Variants in SORCS3 observed in about 807,000 individuals in gnomAD.
SORCS3 encodes the protein VPS10 domain-containing receptor SorCS3.
Under a neutral mutation model 146.3 loss-of-function variants are expected in SORCS3, and 57 were observed. The ratio of observed to expected loss-of-function variants is 0.39; its 90% CI spans 0.31 to 0.49. SORCS3 has a LOEUF of 0.49. Ranked by LOEUF, SORCS3 falls within the 20% of genes least tolerant of loss-of-function variation. SORCS3 has a pLI of 0.92. For synonymous variants in SORCS3, 653 were observed against 618.5 expected (o/e 1.06, Z -0.83); for missense variants, 1,341 against 1,575.5 (o/e 0.85, Z 2.52).
intron 1 of SORCS3, among the ~76,000 whole-genome samples, chr10:104,643,346 G>A (rs2015450360): frequency 6.6e-6 from 1 of 152,348 alleles, no homozygotes; most frequent in East Asian, 1.9e-4. Context: ...CGAGGGGTCC[G>A]CAGAAGGTAG....
intron 25 of SORCS3, among the ~76,000 whole-genome samples, chr10:105,259,511 A>C (rs1215901499): frequency 6.6e-6 from 1 of 152,214 alleles, no homozygotes; most frequent in Non-Finnish European, 1.5e-5. Context: ...TATGAGCCTC[A>C]AGCTTCCTTT....
chr10:104,998,002 G>A (rs2055037699), intron 4 of SORCS3, among the ~76,000 whole-genome samples: 1 of 152,164 alleles, frequency 6.6e-6, no homozygotes, highest in South Asian at 2.1e-4. Flanking sequence ...AAGGCAGAAT[G>A]CTGAATGTTG....
chr10:104,983,036 G>T (rs191164427), intron 4 of SORCS3, among the ~76,000 whole-genome samples: 1 of 151,242 alleles, frequency 6.6e-6, no homozygotes, highest in Non-Finnish European at 1.5e-5. Context: ...GTCTTGCTCT[G>T]TTACCCATGC....
At chr10:104,992,458 T>C (rs983942524) in intron 4 of SORCS3, among the ~76,000 whole-genome samples, 3 of 152,202 alleles carry the variant, frequency 2.0e-5, no homozygotes, top group Non-Finnish European at 4.4e-5. Flanking sequence ...TATTTGAAAA[T>C]GTCAGCAGAT....
intron 7 of SORCS3, among the ~76,000 whole-genome samples, chr10:105,123,674 A>G (rs1589644783): frequency 6.6e-6 from 1 of 152,196 alleles, no homozygotes; most frequent in African/African-American, 2.4e-5. Context: ...AAGCAAACCA[A>G]TAAATAAGAA....
In SORCS3 at chr10:104,641,962, C is replaced by T. The variant is rs1167605567; in HGVS notation, c.627+8C>T. 1 of 1,573,566 alleles carries T rather than the reference C, an allele frequency of 6.4e-7. No individual in the cohort carries two copies. The highest frequency in any genetic ancestry group is 8.6e-7 in the Non-Finnish European group (1 of 1,167,996). ...TCGGGACACAACAGCAGCGTGAGTA[C>T]CCACCCGGCGGCGGGTCCGCCTGTT... On this transcript the variant is annotated splice_region_variant and intron_variant, in intron 1 of 26. Coordinates refer to ENST00000369701, the MANE Select transcript of SORCS3 (RefSeq NM_014978.3). The surrounding 1 kb of genome is among the most constrained non-coding windows in gnomAD (Gnocchi z 6.4).
At chr10:104,801,142 A>T (rs1356455757) in intron 1 of SORCS3, among the ~76,000 whole-genome samples, 2 of 152,064 alleles carry the variant, frequency 1.3e-5, no homozygotes, top group Non-Finnish European at 2.9e-5. Flanking sequence ...CATTTCTGCC[A>T]CTCATTGTTG....
At chr10:104,773,288 A>G (rs973209024) in intron 1 of SORCS3, among the ~76,000 whole-genome samples, 6 of 152,164 alleles carry the variant, frequency 3.9e-5, no homozygotes, top group African/African-American at 1.2e-4. Flanking sequence ...TAGTTAGGCT[A>G]TGAGTTCCTT....
chr10:104,986,516 A>G (rs775628571), intron 4 of SORCS3, among the ~76,000 whole-genome samples: 7 of 152,342 alleles, frequency 4.6e-5, no homozygotes, highest in Middle Eastern at 3.4e-3. Flanking sequence ...TGCATTCACA[A>G]TGTGGCTGTT....
intron 1 of SORCS3, among the ~76,000 whole-genome samples, chr10:104,647,741 C>G (rs74616878): frequency 6.6e-6 from 1 of 152,162 alleles, no homozygotes; most frequent in Admixed American, 6.5e-5. Context: ...AACACTGTCT[C>G]TTAATAACAC....
intron 22 of SORCS3, among the ~76,000 whole-genome samples, 170 bp from the exon 23 acceptor site, chr10:105,252,605 G>A (rs923061018): frequency 1.3e-5 from 2 of 152,184 alleles, no homozygotes; most frequent in African/African-American, 4.8e-5. Context: ...TACCTAGCAG[G>A]TCTAAGGGAA....
At chr10:105,036,115 G>A (rs552974321) in intron 4 of SORCS3, among the ~76,000 whole-genome samples, 1 of 152,272 alleles carries the variant, frequency 6.6e-6, no homozygotes, top group East Asian at 1.9e-4. Context: ...TGGTACTTTT[G>A]TAGGAAGATG....
At position 105,261,166 on chromosome 10, in the gene SORCS3, T is replaced by A. The variant is rs569454921; in HGVS notation, c.3444-1165T>A. Among the ~76,000 whole-genome samples the A allele has an allele frequency of 1.6e-4, 25 of 152,332 alleles. No homozygotes were observed. The South Asian group carries it at 5.2e-3, about 32-fold the overall frequency. Reference sequence around the variant, plus strand: ...AGAAAACAAGTCAATAAACATTGCCTATTACATCACCCTAAACCAACACCA... The same window carrying A: ...AGAAAACAAGTCAATAAACATTGCCAATTACATCACCCTAAACCAACACCA... On this transcript the variant is annotated intron_variant, in intron 25 of 26. Transcript: ENST00000369701.
intron 6 of SORCS3, among the ~76,000 whole-genome samples, chr10:105,096,737 G>C (rs1273195022): frequency 6.6e-6 from 1 of 152,150 alleles, no homozygotes; most frequent in African/African-American, 2.4e-5. Context: ...TGCTAGAGCT[G>C]TGCTGTCCAT....
At chr10:105,072,659 C>T (rs2488543) in intron 5 of SORCS3, among the ~76,000 whole-genome samples, 2,563 of 16,606 alleles carry the variant, frequency 0.15, 1,046 homozygotes, top group East Asian at 0.72. Context: ...CTCTCTCTCT[C>T]TTTTTTTTTT....
chr10:105,252,032 T>C (rs559217403), intron 22 of SORCS3, among the ~76,000 whole-genome samples: 44 of 152,314 alleles, frequency 2.9e-4, no homozygotes, highest in Admixed American at 1.0e-3. Flanking sequence ...CAGGTGATTA[T>C]ACCAGTATTT....
intron 6 of SORCS3, among the ~76,000 whole-genome samples, chr10:105,104,235 C>T (rs2055806134): frequency 6.6e-6 from 1 of 152,186 alleles, no homozygotes; most frequent in South Asian, 2.1e-4. Context: ...TAAGATTTCT[C>T]TACTTTTAAT....
At chr10:104,826,916 A>G (rs2017942274) in intron 1 of SORCS3, among the ~76,000 whole-genome samples, 1 of 152,200 alleles carries the variant, frequency 6.6e-6, no homozygotes, top group Non-Finnish European at 1.5e-5. Flanking sequence ...CATTTCAATA[A>G]TGTTTGCAGC....
At chr10:105,070,895 G>A (rs992310272) in intron 5 of SORCS3, among the ~76,000 whole-genome samples, 9 of 152,170 alleles carry the variant, frequency 5.9e-5, no homozygotes, top group African/African-American at 2.2e-4. Context: ...ATCCCCCAGA[G>A]CCAGTTGTAC....
Sources: allele counts gnomAD v4.1 joint callset (sites outside exome capture counted in the v4.1 genomes callset), GRCh38; gene constraint gnomAD v4.1.1; non-coding constraint Gnocchi (gnomAD v3.1); transcripts MANE v1.5; gene names NCBI Gene and HGNC (gene_info 2026-07-23, HGNC 2026-07-21).